ETNK2: variants seen among roughly 807,000 people sequenced by gnomAD.
ETNK2 encodes ethanolamine kinase-like protein.
In ETNK2, 33 loss-of-function variants were observed where a neutral mutation model predicts 46.2. That is an observed-to-expected ratio of 0.71 (90% CI 0.54 to 0.96). The LOEUF is 0.96. Ranked by LOEUF, ETNK2 falls within the 40% of genes least tolerant of loss-of-function variation. The pLI is 0.00. For synonymous variants in ETNK2, 194 were observed against 209.0 expected, an observed-to-expected ratio of 0.93 and a Z score of 0.62; for missense variants, 445 against 509.7, an observed-to-expected ratio of 0.87 and a Z score of 1.22.
At chr1:204,134,654 T>C in intron 6 of ETNK2, 66 bp from the exon 7 acceptor site, 2 of 1,613,860 alleles carry the variant, frequency 1.2e-6, no homozygotes, top group Non-Finnish European at 1.7e-6. Context: ...TCTACAGCAC[T>C]GGAGGGATGC....
chr1:204,135,413 G>T (rs1277492313), intron 6 of ETNK2, among the ~76,000 whole-genome samples: 1 of 152,066 alleles, frequency 6.6e-6, no homozygotes, highest in Non-Finnish European at 1.5e-5. Context: ...GTGTACCTCT[G>T]AATCTAAAAT....
At chr1:204,141,232 G>C in intron 4 of ETNK2, 83 bp downstream of exon 4, 1 of 1,562,886 alleles carries the variant, frequency 6.4e-7, no homozygotes, top group Non-Finnish European at 8.8e-7. Flanking sequence ...TTGTCCAAGT[G>C]CCAGCCGGAA....
intron 1 of ETNK2, 123 bp from the exon 2 acceptor site, chr1:204,150,085 GC>G: frequency 9.3e-7 from 1 of 1,076,106 alleles, no homozygotes; most frequent in Non-Finnish European, 1.3e-6. Flanking sequence ...ACCACCCCAA[GC>G]CCCCAGTGCT....
intron 2 of ETNK2, among the ~76,000 whole-genome samples, chr1:204,148,499 C>T (rs2102302836): frequency 6.6e-6 from 1 of 151,646 alleles, no homozygotes; most frequent in East Asian, 2.0e-4. Flanking sequence ...CAGTCTGGGT[C>T]CTTTTGGAAC....
intron 4 of ETNK2, chr1:204,140,967 A>T (rs1037198005): frequency 2.2e-5 from 8 of 364,576 alleles, no homozygotes; most frequent in African/African-American, 6.6e-5. Context: ...GGACTATAGC[A>T]TGTACCACCA....
At chr1:204,137,837 G>A (rs564517437) in intron 5 of ETNK2, among the ~76,000 whole-genome samples, 23 of 152,264 alleles carry the variant, frequency 1.5e-4, no homozygotes, top group Admixed American at 6.5e-4. Context: ...TGTGTAGCCA[G>A]GCTGGGAACC....
At chr1:204,144,382 G>A (rs1182073139) in intron 3 of ETNK2, among the ~76,000 whole-genome samples, 1 of 102,822 alleles carries the variant, frequency 9.7e-6, no homozygotes, top group African/African-American at 3.4e-5. Flanking sequence ...CATTTCCTAG[G>A]GGGCAAATGC....
intron 2 of ETNK2, chr1:204,147,566 C>A (rs143631319): frequency 2.8e-5 from 15 of 532,570 alleles, no homozygotes; most frequent in South Asian, 7.0e-5. Context: ...GTCCCACCCC[C>A]CAACCGTCTG....
intron 7 of ETNK2, among the ~76,000 whole-genome samples, chr1:204,133,556 G>C (rs1284601047): frequency 7.2e-6 from 1 of 138,462 alleles, no homozygotes; most frequent in East Asian, 2.0e-4. Flanking sequence ...TTTTGAGACG[G>C]AGTCTCGCTC....
Position 204,134,844 on chromosome 1 carries a change from CAGGT to C in ETNK2, c.1015-260_1015-257del, listed in dbSNP as rs1472832034. ...GCCCTAATGTTTACCAACCCTAAGG[CAGGT>C]AGTCAGCAGTGAGGAATTTTGGGGG... On this transcript the variant is annotated intron_variant, in intron 6 of 7. Coordinates refer to ENST00000367202, the MANE Select transcript of ETNK2 (RefSeq NM_018208.4). 5.3e-6 allele frequency: 4 copies of C among 751,498 alleles called. No homozygotes were observed. The African/African-American group carries it at 7.0e-5, about 13-fold the overall frequency. 46.6% of individuals were successfully genotyped at this position (751,498 alleles called of 1,614,324 possible).
chr1:204,147,681 GT>G (rs1169167870), intron 2 of ETNK2: 2 of 442,592 alleles, frequency 4.5e-6, no homozygotes, highest in Non-Finnish European at 9.2e-6. Context: ...TTGAAACCTT[GT>G]TACCAAGCTG....
rs1571639394 is a variant in ETNK2, at chr1:204,151,657, C to A, written c.196G>T (p.Gly66Trp). 1 of 1,549,072 alleles carries A rather than the reference C, an allele frequency of 6.5e-7. No individual in the cohort carries two copies. The highest frequency in any genetic ancestry group is 1.2e-5 in the South Asian group (1 of 84,050). The change falls in exon 1 of 8, where the codon GGG becomes TGG. Residue 66 changes from glycine to tryptophan, a missense_variant. Physicochemically the swap from Gly to Trp is radical, Grantham distance 184 (BLOSUM62 -2). Transcript: ENST00000367202. The surrounding 1 kb of genome is among the most constrained non-coding windows in gnomAD (Gnocchi z 8.0). ...AGCTCCTGGATGAGGCGCAGGGCCC[C>A]GGGAAGGATGTCGTCCGGGTCCACG... ...ISVDPDDILPGALRLIQELRP... is the reference protein window; with the variant it reads ...ISVDPDDILPWALRLIQELRP...
At position 204,133,059 on chromosome 1, in the gene ETNK2, T is replaced by G. The variant is rs1048788677; in HGVS notation, c.1089-803A>C. The stretch of plus-strand genomic sequence containing the variant: ...TTATTTAGCGTAATGTCCTCAAGAT[T>G]CATCCACGTTGTAGCAAGTGACATT... On this transcript the variant is annotated intron_variant, in intron 7 of 7. Transcript: ENST00000367202. Among the ~76,000 whole-genome samples the G allele has an allele frequency of 1.5e-4, 23 of 152,172 alleles. 1 individual carries two copies. The highest frequency in any genetic ancestry group is 5.6e-4 in the African/African-American group (23 of 41,438).
At chr1:204,146,547 A>T in intron 3 of ETNK2, 95 bp downstream of exon 3, 1 of 1,458,314 alleles carries the variant, frequency 6.9e-7, no homozygotes, top group Non-Finnish European at 9.4e-7. Flanking sequence ...CCGAGACCTA[A>T]GCCCTTAAAC....
rs563059712 is a variant in ETNK2 at position 204,133,328 on chromosome 1, C to A, written c.1089-1072G>T. ...ACATTTTTATTTTTTGAGGAACCAC[C>A]CTACTGTTTTCCATAGTAGCTCACC... On this transcript the variant is annotated intron_variant, in intron 7 of 7. Coordinates refer to ENST00000367202, the MANE Select transcript of ETNK2 (RefSeq NM_018208.4). Among the ~76,000 whole-genome samples, 10 of 151,694 alleles carry A rather than the reference C, an allele frequency of 6.6e-5. No homozygotes were observed. The South Asian group carries it at 2.1e-3, about 32-fold the overall frequency.
At chr1:204,141,563 A>AG in intron 3 of ETNK2, 106 bp from the exon 4 acceptor site, 1 of 1,317,606 alleles carries the variant, frequency 7.6e-7, no homozygotes, top group Non-Finnish European at 1.0e-6. Context: ...GTCTTACTGC[A>AG]GGGGGCCTTG....
chr1:204,132,004 G>A lies in ETNK2; in HGVS notation c.*180C>T. The A allele has an allele frequency of 1.6e-6, 1 of 621,216 alleles. No homozygotes were observed. The highest frequency in any genetic ancestry group is 1.8e-5 in the African/African-American group (1 of 54,696). The allele number at this position is 621,216 out of a possible 1,614,324, so 38.5% of individuals were successfully genotyped here. ...GGGTCCTATCAGCCCCTCCAGACAG[G>A]AGAATGAGGTCTTCAGTGGCAACCA... On this transcript the variant is annotated 3_prime_UTR_variant, in exon 8 of 8. Transcript: ENST00000367202.
In ETNK2 at chr1:204,151,934, G is replaced by A. The variant is rs12738682; in HGVS notation, c.-82C>T. 2 of 1,355,112 alleles carry A rather than the reference G, an allele frequency of 1.5e-6. No individual in the cohort carries two copies. The highest frequency in any genetic ancestry group is 1.9e-6 in the Non-Finnish European group (2 of 1,047,612). The allele number at this position is 1,355,112 out of a possible 1,614,324, so 83.9% of individuals were successfully genotyped here. ...CCGGCGAGGGAGTGGGAGTGGTAGA[G>A]GAGGGGCCAGGGGAAGTCCATGACT... On this transcript the variant is annotated 5_prime_UTR_variant, in exon 1 of 8. Transcript: ENST00000367202. This position sits in a 1 kb window ranked among gnomAD's most constrained non-coding sequence, Gnocchi z 8.0.
chr1:204,149,999 T>A, intron 1 of ETNK2, 37 bp from the exon 2 acceptor site: 1 of 59,732 alleles, frequency 1.7e-5, no homozygotes, highest in Non-Finnish European at 3.0e-5. Flanking sequence ...GGTGGGTGGG[T>A]GGGGCAGGAT....
Sources: allele counts gnomAD v4.1 joint callset (sites outside exome capture counted in the v4.1 genomes callset), GRCh38; gene constraint gnomAD v4.1.1; non-coding constraint Gnocchi (gnomAD v3.1); transcripts MANE v1.5; gene names NCBI Gene and HGNC (gene_info 2026-07-23, HGNC 2026-07-21).